The following SCLY variants were observed in gnomAD, a reference collection of about 807,000 sequenced individuals.
SCLY encodes the protein putative selenocysteine lyase.
A neutral mutation model predicts 50.1 loss-of-function variants in SCLY; 38 were observed. That is an observed-to-expected ratio of 0.76 (90% CI 0.59 to 0.99). The LOEUF is 0.99. SCLY is among the 50% of genes least tolerant of loss of function. SCLY has a pLI of 0.00. For missense variants in SCLY, 600 were observed against 620.0 expected (o/e 0.97, Z 0.34); for synonymous variants, 243 against 249.4 (o/e 0.97, Z 0.24).
chr2:238,070,964 T>C (rs2065121653), intron 4 of SCLY, among the ~76,000 whole-genome samples: 1 of 152,016 alleles, frequency 6.6e-6, no homozygotes, highest in Non-Finnish European at 1.5e-5. Flanking sequence ...CCTGAGTAGC[T>C]GGGATTACAG....
chr2:238,087,019 GAAAAA>G (rs34975994), intron 7 of SCLY, among the ~76,000 whole-genome samples: 4 of 149,186 alleles, frequency 2.7e-5, no homozygotes, highest in East Asian at 2.0e-4. Flanking sequence ...AACTCCGTCT[GAAAAA>G]AAAAAAAAAG....
intron 1 of SCLY, among the ~76,000 whole-genome samples, chr2:238,063,890 A>G (rs1028671054): frequency 6.6e-6 from 1 of 152,248 alleles, no homozygotes; most frequent in Middle Eastern, 3.4e-3. Context: ...CATTAATCCT[A>G]CCAAGGGGTA....
intron 2 of SCLY, chr2:238,064,877 C>G (rs1049514134): frequency 1.8e-4 from 27 of 152,428 alleles, no homozygotes; most frequent in Non-Finnish European, 1.5e-5. Flanking sequence ...ATGAAAATTA[C>G]TTTTTCATTA....
chr2:238,091,553 T>C, intron 8 of SCLY: 3 of 338,920 alleles, frequency 8.9e-6, no homozygotes, highest in East Asian at 5.8e-5. Context: ...GGTTCACCAT[T>C]CCCAAAGGCG....
In SCLY at chr2:238,083,390, G is replaced by T; in HGVS notation, c.884+36G>T. ...AAGTTAACAAAGTCTCTGACCTACT[G>T]ACCGTGTCATTTGTAGAGCAGTGAC... On this transcript the variant is annotated intron_variant, in intron 7 of 11. Transcript: ENST00000254663. The surrounding 1 kb of genome is among the most constrained non-coding windows in gnomAD (Gnocchi z 4.3). 1 of 1,416,180 alleles carries T rather than the reference G, an allele frequency of 7.1e-7. No homozygotes were observed. The highest frequency in any genetic ancestry group is 1.2e-5 in the South Asian group (1 of 86,956). 87.7% of individuals were successfully genotyped at this position (1,416,180 alleles called of 1,614,324 possible).
Position 238,094,488 on chromosome 2 carries a change from C to T in SCLY, c.1074C>T (p.Thr358=). 6.2e-7 allele frequency: 1 copy of T among 1,614,238 alleles called. No individual in the cohort carries two copies. Among genetic ancestry groups the T allele is most frequent in the Non-Finnish European group, 8.5e-7 (1 of 1,180,044 alleles). The change falls in exon 10 of 12, where the codon ACC becomes ACT. Residue 358 remains threonine, a synonymous_variant. Coordinates refer to ENST00000254663, the MANE Select transcript of SCLY (RefSeq NM_016510.7). The part of the protein sequence containing the change: ...QFPGTQRLPN[T]CNFSIRGPRL... ...CAGGCACCCAGCGGCTTCCCAATAC[C>T]TGTAACTTTTCCATCCGGGGACCCC...
Position 238,061,096 on chromosome 2 carries a change from C to A in SCLY, c.42C>A (p.Pro14=), listed in dbSNP as rs966670428. The A allele has an allele frequency of 3.4e-5, 48 of 1,403,252 alleles. No individual in the cohort carries two copies. In the African/African-American group the frequency reaches 5.8e-4, roughly 17 times the overall value. 86.9% of individuals were successfully genotyped at this position (1,403,252 alleles called of 1,614,324 possible). ...CGCCGGGGAGGGATGCGCCGGCACC[C>A]GCGGCGAGTCAGCCCAGCGGCTGCG... The part of the protein sequence containing the change: ...AVAPGRDAPA[P]AASQPSGCGK... The change falls in exon 1 of 12, where the codon CCC becomes CCA. Residue 14 remains proline (P), a synonymous_variant. Transcript: ENST00000254663.
At chr2:238,090,371 C>G (rs2065349301) in intron 7 of SCLY, among the ~76,000 whole-genome samples, 2 of 152,184 alleles carry the variant, frequency 1.3e-5, no homozygotes, top group South Asian at 4.1e-4. Flanking sequence ...AATTAATGGG[C>G]CGGGCGCAGT....
chr2:238,090,692 A>G (rs192704647), intron 7 of SCLY, among the ~76,000 whole-genome samples: 26 of 152,248 alleles, frequency 1.7e-4, no homozygotes, highest in African/African-American at 6.3e-4. Context: ...AAATAGGGTA[A>G]TGAGTTCTGT....
intron 8 of SCLY, chr2:238,091,556 C>G: frequency 3.4e-5 from 12 of 349,086 alleles, no homozygotes; most frequent in East Asian, 1.1e-4. Context: ...TCACCATTCC[C>G]AAAGGCGTCG....
chr2:238,073,367 G>T (rs2065144332), intron 4 of SCLY, among the ~76,000 whole-genome samples: 1 of 152,128 alleles, frequency 6.6e-6, no homozygotes, highest in African/African-American at 2.4e-5. Context: ...AGAATTTTAG[G>T]ATCAGCTTGT....
At position 238,091,265 on chromosome 2, in the gene SCLY, G is replaced by A; in HGVS notation, c.921+11G>A. 1 of 1,612,376 alleles carries A rather than the reference G, an allele frequency of 6.2e-7. No individual in the cohort carries two copies. The highest frequency in any genetic ancestry group is 8.5e-7 in the Non-Finnish European group (1 of 1,178,448). On this transcript the variant is annotated intron_variant, in intron 8 of 11. Transcript: ENST00000254663. ...GCTGGCCTTGGGAAGGTGAGCCCTG[G>A]TGAGCTTGAGGAGATGAGTTGATTG...
intron 10 of SCLY, chr2:238,096,159 T>G (rs1304828663): frequency 6.5e-6 from 1 of 154,600 alleles, no homozygotes; most frequent in African/African-American, 2.4e-5. Flanking sequence ...CCACCCACCT[T>G]GGCCCCCCAA....
Position 238,099,145 on chromosome 2 carries a change from C to T in SCLY, c.*790C>T, listed in dbSNP as rs1466563956. 64 of 420,974 alleles carry T rather than the reference C, an allele frequency of 1.5e-4. No individual in the cohort carries two copies. Among genetic ancestry groups the T allele is most frequent in the Non-Finnish European group, 9.8e-6 (2 of 204,556 alleles). The allele number at this position is 420,974 out of a possible 1,614,324, so 26.1% of individuals were successfully genotyped here. ...TAACTCAGGGTTTCAGCTCCAACCT[C>T]GCTGAGTTGGTGCAGCTCCAGGTCA... On this transcript the variant is annotated 3_prime_UTR_variant, in exon 12 of 12. Coordinates refer to ENST00000254663, the MANE Select transcript of SCLY (RefSeq NM_016510.7).
chr2:238,068,385 C>CAAA (rs758815395), intron 3 of SCLY, among the ~76,000 whole-genome samples: 1 of 128,072 alleles, frequency 7.8e-6, no homozygotes, highest in Admixed American at 8.0e-5. Flanking sequence ...TCCATCTCTA[C>CAAA]AAAAAAAAAA....
At chr2:238,094,397 A>G (rs1335177565) in intron 9 of SCLY, 23 bp from the exon 10 acceptor site, 16 of 1,599,628 alleles carry the variant, frequency 1.0e-5, no homozygotes, top group Non-Finnish European at 1.3e-5. Context: ...GCTGTCACCA[A>G]ATATTTCACT....
At chr2:238,088,335 G>A (rs1362191213) in intron 7 of SCLY, among the ~76,000 whole-genome samples, 9 of 152,128 alleles carry the variant, frequency 5.9e-5, no homozygotes, top group South Asian at 2.1e-4. Context: ...GGTGGCAGAC[G>A]CTTGTAATCC....
intron 3 of SCLY, among the ~76,000 whole-genome samples, chr2:238,068,589 A>C (rs2065098162): frequency 6.6e-6 from 1 of 152,178 alleles, no homozygotes. Flanking sequence ...TATATTGCAT[A>C]CTAGCTCGAG....
intron 7 of SCLY, among the ~76,000 whole-genome samples, chr2:238,090,556 C>T (rs2065350955): frequency 6.6e-6 from 1 of 152,198 alleles, no homozygotes; most frequent in Admixed American, 6.5e-5. Flanking sequence ...AGGAGAATCA[C>T]TTGAACCCGG....
Sources: allele counts gnomAD v4.1 joint callset (sites outside exome capture counted in the v4.1 genomes callset), GRCh38; gene constraint gnomAD v4.1.1; non-coding constraint Gnocchi (gnomAD v3.1); transcripts MANE v1.5; gene names NCBI Gene and HGNC (gene_info 2026-07-23, HGNC 2026-07-21).